Variants in C4orf50 observed in about 807,000 individuals in gnomAD.
C4orf50 encodes chromosome 4 open reading frame 50, also known as uncharacterized protein C4orf50.
A neutral mutation model predicts 77.2 loss-of-function variants in C4orf50; 80 were observed. That is an observed-to-expected ratio of 1.04 (90% CI 0.87 to 1.25). The LOEUF (loss-of-function observed/expected upper bound fraction) is 1.25. Among genes scored for constraint, C4orf50 ranks in the 50% most tolerant of loss-of-function variants. The probability of loss-of-function intolerance (pLI) is 0.00; values close to 1 mark genes in which losing one functional copy is unlikely to be tolerated. For missense variants in C4orf50, 1,257 were observed against 1,152.9 expected, an observed-to-expected ratio of 1.09 and a Z score of -1.31; for synonymous variants, 532 against 465.3, an observed-to-expected ratio of 1.14 and a Z score of -1.84.
chr4:5,948,786 C>G (rs11931333), intron 7 of C4orf50, among the ~76,000 whole-genome samples: 50,123 of 144,744 alleles, frequency 0.35, 9,117 homozygotes, highest in African/African-American at 0.4. Context: ...AAGTGAGACA[C>G]CATCTCCAAA....
At position 5,992,090 on chromosome 4, in the gene C4orf50, G is replaced by GA. The variant is rs1721323526; in HGVS notation, c.1221+712_1221+713insT. On this transcript the variant is annotated intron_variant, in intron 27 of 33. Coordinates refer to ENST00000531445, the Ensembl canonical transcript of C4orf50. This position sits in a 1 kb window ranked among gnomAD's most constrained non-coding sequence, Gnocchi z 5.0. Reference sequence around the variant, plus strand: ...CCTCAGCCACCTCACCTGTCAAATGGGGCACCTCCGTGTTCTAAGACATTG... The same window carrying GA: ...CCTCAGCCACCTCACCTGTCAAATGGAGGCACCTCCGTGTTCTAAGACATTG... 6.6e-6 allele frequency among the ~76,000 whole-genome samples: 1 copy of GA among 152,146 alleles called. No homozygotes were observed. Among genetic ancestry groups the GA allele is most frequent in the Non-Finnish European group, 1.5e-5 (1 of 68,024 alleles).
At position 6,011,668 on chromosome 4, in the gene C4orf50, C is replaced by T. The variant is rs1722500583; in HGVS notation, c.426+162G>A. On this transcript the variant is annotated intron_variant, in intron 24 of 33. Transcript: ENST00000531445. The surrounding 1 kb of genome is among the most constrained non-coding windows in gnomAD (Gnocchi z 4.2). ...CCACATCCCTGCATGCCCCAGGCCC[C>T]GCAGTCACGCCATGCACCATGAACG... Among the ~76,000 whole-genome samples, 1 of 152,190 alleles carries T rather than the reference C, an allele frequency of 6.6e-6. No homozygotes were observed. Among genetic ancestry groups the T allele is most frequent in the Non-Finnish European group, 1.5e-5 (1 of 68,026 alleles).
chr4:5,928,602 A>G (rs1001883019), intron 7 of C4orf50, among the ~76,000 whole-genome samples: 5 of 152,172 alleles, frequency 3.3e-5, no homozygotes, highest in African/African-American at 1.2e-4. Flanking sequence ...GATGAGCTGA[A>G]GGCATGAACA....
chr4:5,942,591 T>C (rs1314334450), intron 7 of C4orf50, among the ~76,000 whole-genome samples: 2 of 152,228 alleles, frequency 1.3e-5, no homozygotes, highest in Non-Finnish European at 2.9e-5. Flanking sequence ...ACTTGCTCTA[T>C]GCCAGGCCCT....
At chr4:5,981,585 G>A (rs563740698) in intron 28 of C4orf50, among the ~76,000 whole-genome samples, 1 of 151,976 alleles carries the variant, frequency 6.6e-6, no homozygotes, top group East Asian at 1.9e-4. Flanking sequence ...TGTACTTTTA[G>A]TAGAGACGGG....
intron 33 of C4orf50, among the ~76,000 whole-genome samples, chr4:5,962,404 T>C (rs1007990820): frequency 6.6e-6 from 1 of 152,252 alleles, no homozygotes; most frequent in Non-Finnish European, 1.5e-5. Flanking sequence ...GGTATTAAGA[T>C]GCATTTTTGG....
At chr4:5,962,111 G>A (rs1231187887) in intron 33 of C4orf50, among the ~76,000 whole-genome samples, 1 of 152,224 alleles carries the variant, frequency 6.6e-6, no homozygotes, top group African/African-American at 2.4e-5. Flanking sequence ...CCAGGAGCAG[G>A]TGCCGTGTAC....
chr4:5,925,292 AG>A (rs1384238558), intron 7 of C4orf50, among the ~76,000 whole-genome samples: 10 of 149,808 alleles, frequency 6.7e-5, no homozygotes, highest in Admixed American at 2.0e-4. Context: ...GGTGGGCTCT[AG>A]TGGGGAGGGC....
At chr4:5,954,034 G>A (rs1246965057), downstream of C4orf50, among the ~76,000 whole-genome samples, 1 of 152,216 alleles carries the variant, frequency 6.6e-6, no homozygotes, top group African/African-American at 2.4e-5. This position sits in a 1 kb window ranked among gnomAD's most constrained non-coding sequence, Gnocchi z 4.7. Context: ...GGAAGAGCAG[G>A]GTCGATGCCT....
chr4:5,922,831 C>T (rs770889528), intron 7 of C4orf50, among the ~76,000 whole-genome samples: 8 of 152,198 alleles, frequency 5.3e-5, no homozygotes, highest in Non-Finnish European at 1.2e-4. Context: ...AAGTAACACA[C>T]AACTCATGGT....
rs1156707918 is a variant in C4orf50 at position 5,900,912 on chromosome 4, CCCATGTGTGTCACCCTCTGTATGTCA to C, written c.*2475-2750_*2475-2725del. ...TGGCAGGGCCACTCTGAGCACACAGCCCATGTGTGTCACCCTCTGTATGTCACCATGTGTGTCACCATTTGTATGTC... is the reference window on the plus strand; with the variant it reads ...TGGCAGGGCCACTCTGAGCACACAGCCCATGTGTGTCACCATTTGTATGTC... On this transcript the variant is annotated intron_variant, in intron 7 of 7. Transcript: ENST00000324058. This position sits in a 1 kb window ranked among gnomAD's most constrained non-coding sequence, Gnocchi z 4.3. The C allele has an allele frequency of 1.3e-5, 2 of 152,254 alleles. No homozygotes were observed. Among genetic ancestry groups the C allele is most frequent in the Non-Finnish European group, 2.9e-5 (2 of 68,054 alleles). 9.4% of individuals were successfully genotyped at this position (152,254 alleles called of 1,614,324 possible). A position where few individuals can be genotyped will look rare whatever the true frequency, so the allele number is the denominator to read the frequency against.
chr4:5,900,719 G>T lies in C4orf50; in HGVS notation c.*2475-2531C>A, dbSNP rs928237828. 5.9e-5 allele frequency: 9 copies of T among 152,208 alleles called. No homozygotes were observed. Among genetic ancestry groups the T allele is most frequent in the Non-Finnish European group, 8.8e-5 (6 of 68,036 alleles). 9.4% of individuals were successfully genotyped at this position (152,208 alleles called of 1,614,324 possible). On this transcript the variant is annotated intron_variant, in intron 7 of 7. Transcript: ENST00000324058. The surrounding 1 kb of genome is among the most constrained non-coding windows in gnomAD (Gnocchi z 4.3). ...AGTCAAGTGGCTTTGTCACTGGACC[G>T]CAGATGTCAGTTAACCTCATCTGGG...
At chr4:5,951,293 C>T (rs1421649416) in intron 7 of C4orf50, among the ~76,000 whole-genome samples, 4 of 151,988 alleles carry the variant, frequency 2.6e-5, no homozygotes, top group Admixed American at 6.6e-5. Context: ...AACCAAGTGA[C>T]TTTTCTCATA....
chr4:5,925,824 G>A (rs960272409), intron 7 of C4orf50, among the ~76,000 whole-genome samples: 8 of 152,234 alleles, frequency 5.3e-5, no homozygotes, highest in African/African-American at 1.9e-4. Context: ...TGGCAGCGGG[G>A]GATGAGCTGG....
intron 7 of C4orf50, among the ~76,000 whole-genome samples, chr4:5,933,643 G>T (rs146763250): frequency 6.0e-4 from 92 of 152,354 alleles, no homozygotes; most frequent in African/African-American, 2.0e-3. Context: ...GTGAGCTGGG[G>T]GTTAGGGGCG....
exon 8 of C4orf50, chr4:5,898,014 G>A (rs1052970576): frequency 1.3e-5 from 2 of 152,246 alleles, no homozygotes; most frequent in African/African-American, 4.8e-5. Context: ...GGGCGCATAG[G>A]AGACCTTGTA....
In C4orf50 at chr4:6,004,272, TG is replaced by T. The variant is rs1336493748; in HGVS notation, c.963+3723del. On this transcript the variant is annotated intron_variant, in intron 25 of 33. Transcript: ENST00000531445. ...ATGATGGTGATGGTGATGGTGGTGATGGTGATGGTGATGTTGGTGATGATGG... is the reference window on the plus strand; with the variant it reads ...ATGATGGTGATGGTGATGGTGGTGATGTGATGGTGATGTTGGTGATGATGG... Among the ~76,000 whole-genome samples the T allele has an allele frequency of 2.5e-3, 160 of 64,138 alleles. 3 individuals carry two copies. The highest frequency in any genetic ancestry group is 0.017 in the East Asian group (12 of 716). The allele number at this position is 64,138 out of a possible 152,430, so 42.1% of individuals were successfully genotyped here.
At chr4:5,914,031 A>C (rs577931422) in intron 7 of C4orf50, among the ~76,000 whole-genome samples, 1 of 152,322 alleles carries the variant, frequency 6.6e-6, no homozygotes, top group South Asian at 2.1e-4. Flanking sequence ...AATCATGAGA[A>C]GTAAAGTTTA....
intron 33 of C4orf50, among the ~76,000 whole-genome samples, chr4:5,962,947 T>C (rs1035861921): frequency 1.3e-5 from 2 of 152,102 alleles, no homozygotes; most frequent in Non-Finnish European, 2.9e-5. Flanking sequence ...CATCCTCCCA[T>C]CTTTTTACAA....
Sources: allele counts gnomAD v4.1 joint callset (sites outside exome capture counted in the v4.1 genomes callset), GRCh38; gene constraint gnomAD v4.1.1; non-coding constraint Gnocchi (gnomAD v3.1); transcripts MANE v1.5; gene names NCBI Gene and HGNC (gene_info 2026-07-23, HGNC 2026-07-21).